The following KCNMB2 variants were observed in gnomAD, a reference collection of about 807,000 sequenced individuals.
The protein encoded by KCNMB2 is calcium-activated potassium channel subunit beta-2.
A neutral mutation model predicts 24.5 loss-of-function variants in KCNMB2; 9 were observed. The observed-to-expected ratio is 0.37, with a 90% CI of 0.22 to 0.64. KCNMB2 has a LOEUF of 0.64. Among genes scored for constraint, KCNMB2 ranks in the 30% least tolerant of loss-of-function variants. KCNMB2 has a pLI of 0.63. For missense variants in KCNMB2, 226 were observed against 284.3 expected, an observed-to-expected ratio of 0.79 and a Z score of 1.47; for synonymous variants, 109 against 104.4, an observed-to-expected ratio of 1.04 and a Z score of -0.27.
chr3:178,557,431 G>C (rs1716163076), intron 1 of KCNMB2, among the ~76,000 whole-genome samples: 1 of 152,166 alleles, frequency 6.6e-6, no homozygotes, highest in Non-Finnish European at 1.5e-5. Flanking sequence ...TTCGAACTGA[G>C]AAAGTAGAAG....
At chr3:178,568,476 A>G (rs16829780) in intron 1 of KCNMB2, among the ~76,000 whole-genome samples, 5,079 of 152,268 alleles carry the variant, frequency 0.033, 281 homozygotes, top group African/African-American at 0.12. Flanking sequence ...TGCCAGTGAT[A>G]TCTTGAACAC....
At chr3:178,827,576 CAGTA>C (rs1380233314) in intron 3 of KCNMB2, among the ~76,000 whole-genome samples, 1 of 152,178 alleles carries the variant, frequency 6.6e-6, no homozygotes, top group African/African-American at 2.4e-5. Context: ...AAGGAATGTG[CAGTA>C]AGTGATTGCT....
intron 1 of KCNMB2, among the ~76,000 whole-genome samples, chr3:178,622,046 T>C (rs181177660): frequency 1.2e-4 from 19 of 152,360 alleles, no homozygotes; most frequent in Non-Finnish European, 1.8e-4. Flanking sequence ...AATAAGATAT[T>C]GTTGCTTCTC....
rs368427744 is a variant in KCNMB2 at position 178,813,361 on chromosome 3, G to C, written c.56+5896G>C. Among the ~76,000 whole-genome samples the C allele has an allele frequency of 1.8e-4, 27 of 152,076 alleles. No homozygotes were observed. In the East Asian group the frequency reaches 5.0e-3, roughly 28 times the overall value. On this transcript the variant is annotated intron_variant, in intron 2 of 4. Coordinates refer to ENST00000452583, the MANE Select transcript of KCNMB2 (RefSeq NM_181361.3). ...ATATCATTTTGCAATTATTTCATTA[G>C]ATTTATATTTAAGCAACATTTTGTG...
intron 1 of KCNMB2, among the ~76,000 whole-genome samples, chr3:178,650,979 A>G (rs1941285399): frequency 6.6e-6 from 1 of 152,242 alleles, no homozygotes; most frequent in African/African-American, 2.4e-5. Flanking sequence ...AGCTGGAAGC[A>G]TTCCCTTTGA....
At chr3:178,741,087 T>G (rs887017013) in intron 1 of KCNMB2, among the ~76,000 whole-genome samples, 3 of 152,196 alleles carry the variant, frequency 2.0e-5, no homozygotes, top group African/African-American at 7.2e-5. Flanking sequence ...GGCTCAACAT[T>G]TGTTGAATTA....
chr3:178,842,549 T>C (rs1715461952), intron 4 of KCNMB2, 104 bp from the exon 5 acceptor site: 2 of 742,802 alleles, frequency 2.7e-6, no homozygotes, highest in African/African-American at 3.5e-5. Flanking sequence ...ATAACCACCA[T>C]GGTTATTTCA....
intron 1 of KCNMB2, among the ~76,000 whole-genome samples, chr3:178,782,833 T>G (rs1251171926): frequency 2.0e-5 from 3 of 151,648 alleles, no homozygotes; most frequent in Non-Finnish European, 3.0e-5. Context: ...TTGTTGCCAT[T>G]GCTTTTGGTG....
At chr3:178,729,732 T>C (rs976253541) in intron 1 of KCNMB2, among the ~76,000 whole-genome samples, 4 of 152,156 alleles carry the variant, frequency 2.6e-5, no homozygotes, top group African/African-American at 9.7e-5. Flanking sequence ...TGTATGTATG[T>C]ATGAAGCAAA....
chr3:178,564,632 A>G (rs903196023), intron 1 of KCNMB2, among the ~76,000 whole-genome samples: 2 of 152,326 alleles, frequency 1.3e-5, no homozygotes, highest in Admixed American at 1.3e-4. Context: ...ATCTTGAGAA[A>G]AAAAGGTAAT....
intron 1 of KCNMB2, among the ~76,000 whole-genome samples, chr3:178,749,828 T>C (rs1176017347): frequency 2.0e-5 from 3 of 152,196 alleles, no homozygotes; most frequent in East Asian, 3.9e-4. Flanking sequence ...GGAAAATAGA[T>C]GTATGAATAC....
intron 1 of KCNMB2, among the ~76,000 whole-genome samples, chr3:178,745,721 T>C (rs1439772752): frequency 6.6e-6 from 1 of 152,110 alleles, no homozygotes; most frequent in Non-Finnish European, 1.5e-5. Context: ...ATTGGGTAAA[T>C]ACAGCCATCC....
At chr3:178,725,142 A>G (rs189854370) in intron 1 of KCNMB2, among the ~76,000 whole-genome samples, 6 of 152,240 alleles carry the variant, frequency 3.9e-5, no homozygotes, top group Admixed American at 3.9e-4. Flanking sequence ...CTTCCAACCC[A>G]TGTGCATGGA....
intron 1 of KCNMB2, among the ~76,000 whole-genome samples, chr3:178,627,702 T>G (rs1007733617): frequency 6.6e-6 from 1 of 152,222 alleles, no homozygotes; most frequent in Non-Finnish European, 1.5e-5. Flanking sequence ...ATCATGCTGC[T>G]CTATCTTCAC....
At chr3:178,662,992 T>G (rs536300788) in intron 1 of KCNMB2, among the ~76,000 whole-genome samples, 3 of 152,264 alleles carry the variant, frequency 2.0e-5, no homozygotes, top group South Asian at 2.1e-4. Context: ...CCCAATTCTT[T>G]TGGTCAGCAA....
At chr3:178,793,345 T>C (rs1713398933) in intron 1 of KCNMB2, among the ~76,000 whole-genome samples, 1 of 152,204 alleles carries the variant, frequency 6.6e-6, no homozygotes, top group Non-Finnish European at 1.5e-5. Flanking sequence ...CAAGGGTGGA[T>C]GTTCTAAAAC....
intron 2 of KCNMB2, 151 bp downstream of exon 2, chr3:178,807,616 T>G (rs942648574): frequency 1.7e-6 from 1 of 594,688 alleles, no homozygotes. Context: ...TCAGACACTT[T>G]GGCCTTCCTT....
chr3:178,691,589 C>A (rs1721677953), intron 1 of KCNMB2, among the ~76,000 whole-genome samples: 1 of 152,140 alleles, frequency 6.6e-6, no homozygotes, highest in Non-Finnish European at 1.5e-5. Flanking sequence ...GATACAACCT[C>A]ATTCTTTTTA....
Position 178,759,079 on chromosome 3 carries a change from CTCCAAGAGGGATATATATATATA to C in KCNMB2, c.-67-48261_-67-48239del. Among the ~76,000 whole-genome samples the C allele has an allele frequency of 2.7e-4, 3 of 11,228 alleles. 1 individual carries two copies. The highest frequency in any genetic ancestry group is 2.1e-3 in the African/African-American group (3 of 1,396). 7.4% of individuals were successfully genotyped at this position (11,228 alleles called of 152,430 possible). Reference sequence around the variant, plus strand: ...TATATATATATATATATATATATATCTCCAAGAGGGATATATATATATATCTCCAAGAGGGATATATATATATA... The same window carrying C: ...TATATATATATATATATATATATATCTCTCCAAGAGGGATATATATATATA... On this transcript the variant is annotated intron_variant, in intron 1 of 4. Transcript: ENST00000452583.
Sources: gnomAD v4.1 joint callset for allele counts (sites outside exome capture counted in the v4.1 genomes callset) on GRCh38, gnomAD v4.1.1 for gene constraint, MANE v1.5 for transcripts, NCBI Gene and HGNC (gene_info 2026-07-23, HGNC 2026-07-21) for gene names.